Variants in POU6F2 observed in about 807,000 individuals in gnomAD.
The protein encoded by POU6F2 is POU class 6 homeobox 2.
A neutral mutation model predicts 71.3 loss-of-function variants in POU6F2; 31 were observed. That is an observed-to-expected ratio of 0.43 (90% CI 0.33 to 0.59). The LOEUF is 0.59. POU6F2 is among the 20% of genes least tolerant of loss of function. The probability of loss-of-function intolerance (pLI) is 0.04; values close to 1 mark genes in which losing one functional copy is unlikely to be tolerated. For missense variants in POU6F2, 783 were observed against 856.8 expected, an observed-to-expected ratio of 0.91 and a Z score of 1.07; for synonymous variants, 347 against 355.7, an observed-to-expected ratio of 0.98 and a Z score of 0.27.
Position 39,464,743 on chromosome 7 carries a change from G to A in POU6F2, c.*57G>A, listed in dbSNP as rs1789030383. On this transcript the variant is annotated 3_prime_UTR_variant, in exon 10 of 10. Transcript: ENST00000518318. The surrounding 1 kb of genome is among the most constrained non-coding windows in gnomAD (Gnocchi z 4.1). ...TCACAGAAACTAAACTCCACCCTTG[G>A]GACTCCACAACAACAACAACAACAA... 6.7e-7 allele frequency: 1 copy of A among 1,497,324 alleles called. No individual in the cohort carries two copies. The highest frequency in any genetic ancestry group is 1.3e-5 in the South Asian group (1 of 78,056). The allele number at this position is 1,497,324 out of a possible 1,614,324, so 92.8% of individuals were successfully genotyped here. A position where few individuals can be genotyped will look rare whatever the true frequency, so the allele number is the denominator to read the frequency against.
In POU6F2 at chr7:39,465,797, GA is replaced by G. The variant is rs1299086094; in HGVS notation, c.*1112del. On this transcript the variant is annotated 3_prime_UTR_variant, in exon 10 of 10. Transcript: ENST00000518318. Reference sequence around the variant, plus strand: ...CTGTTGGCCACGTACATGGAGAGCTGACCAAAACTAATTTTGTAATATAAAC... The same window carrying G: ...CTGTTGGCCACGTACATGGAGAGCTGCCAAAACTAATTTTGTAATATAAAC... 1 of 152,210 alleles carries G rather than the reference GA, an allele frequency of 6.6e-6. No homozygotes were observed. Among genetic ancestry groups the G allele is most frequent in the Non-Finnish European group, 1.5e-5 (1 of 68,046 alleles). The allele number at this position is 152,210 out of a possible 1,614,324, so 9.4% of individuals were successfully genotyped here.
At chr7:39,148,317 A>G (rs927141598) in intron 2 of POU6F2, among the ~76,000 whole-genome samples, 3 of 152,146 alleles carry the variant, frequency 2.0e-5, no homozygotes, top group Non-Finnish European at 4.4e-5. Context: ...CCTTCTGATC[A>G]TGTTCTGAAC....
chr7:39,044,154 T>G (rs972862508), intron 1 of POU6F2, among the ~76,000 whole-genome samples: 2 of 151,906 alleles, frequency 1.3e-5, no homozygotes, highest in African/African-American at 2.4e-5. Flanking sequence ...AACCTGGAAG[T>G]GAAGAAAGAA....
intron 2 of POU6F2, among the ~76,000 whole-genome samples, chr7:39,160,122 A>T (rs933300779): frequency 3.3e-5 from 5 of 152,194 alleles, no homozygotes; most frequent in African/African-American, 1.2e-4. Context: ...TCCCAAGTTG[A>T]GAGAGGGTTT....
chr7:38,978,235 G>A (rs1196340146), intron 1 of POU6F2, among the ~76,000 whole-genome samples, 177 bp downstream of exon 1: 1 of 152,174 alleles, frequency 6.6e-6, no homozygotes, highest in East Asian at 1.9e-4. Flanking sequence ...GGAAACCTCA[G>A]CTTAAAACTT....
chr7:39,370,173 A>G (rs999741237), intron 5 of POU6F2, among the ~76,000 whole-genome samples: 1 of 152,172 alleles, frequency 6.6e-6, no homozygotes, highest in African/African-American at 2.4e-5. Context: ...CAACCTGGTA[A>G]AGTAGACACT....
intron 2 of POU6F2, among the ~76,000 whole-genome samples, chr7:39,134,941 T>C (rs911819701): frequency 6.6e-6 from 1 of 151,850 alleles, no homozygotes; most frequent in Non-Finnish European, 1.5e-5. Context: ...AAAAGAAGAA[T>C]GAATAAAAAT....
At chr7:39,035,659 A>G (rs1790045633) in intron 1 of POU6F2, among the ~76,000 whole-genome samples, 1 of 152,048 alleles carries the variant, frequency 6.6e-6, no homozygotes, top group Admixed American at 6.6e-5. Context: ...AGCTGGAGAA[A>G]TTAAGGAATA....
chr7:38,993,984 CT>C (rs1788673740), intron 1 of POU6F2, among the ~76,000 whole-genome samples: 1 of 152,048 alleles, frequency 6.6e-6, no homozygotes, highest in Admixed American at 6.6e-5. Flanking sequence ...TTGAACAAAC[CT>C]TTTGTCCACC....
intron 4 of POU6F2, among the ~76,000 whole-genome samples, chr7:39,216,707 G>C (rs995250953): frequency 2.6e-5 from 4 of 152,074 alleles, no homozygotes; most frequent in Non-Finnish European, 4.4e-5. Context: ...GAATGCTCTA[G>C]GGCTTCACAA....
intron 2 of POU6F2, among the ~76,000 whole-genome samples, chr7:39,197,771 G>A (rs1000524434): frequency 2.6e-5 from 4 of 152,130 alleles, no homozygotes; most frequent in Admixed American, 2.0e-4. Flanking sequence ...ACTTCGTTCC[G>A]CTGATTCTGA....
intron 4 of POU6F2, among the ~76,000 whole-genome samples, chr7:39,213,852 G>A (rs2128747180): frequency 6.6e-6 from 1 of 152,254 alleles, no homozygotes; most frequent in Non-Finnish European, 1.5e-5. Context: ...AAGCACCTTT[G>A]GCCACTGTTC....
chr7:38,989,689 T>C (rs1407797109), intron 1 of POU6F2, among the ~76,000 whole-genome samples: 1 of 152,006 alleles, frequency 6.6e-6, no homozygotes, highest in Non-Finnish European at 1.5e-5. Flanking sequence ...TACCTATTAA[T>C]GCATATAGAG....
At chr7:39,274,844 T>C (rs1784407595) in intron 4 of POU6F2, among the ~76,000 whole-genome samples, 2 of 148,242 alleles carry the variant, frequency 1.3e-5, no homozygotes, top group Non-Finnish European at 3.0e-5. Context: ...TTGACAAAAT[T>C]CAACAACCCT....
At chr7:39,273,946 GA>G (rs772295419) in intron 4 of POU6F2, among the ~76,000 whole-genome samples, 4 of 151,900 alleles carry the variant, frequency 2.6e-5, no homozygotes, top group Non-Finnish European at 4.4e-5. Context: ...CAAAAATATT[GA>G]AAAAATATTT....
chr7:39,378,324 A>T (rs1786750455), intron 5 of POU6F2, among the ~76,000 whole-genome samples: 1 of 152,144 alleles, frequency 6.6e-6, no homozygotes. Flanking sequence ...ATAGCTCTTG[A>T]GGCTCCAGCA....
At chr7:39,327,846 G>A (rs1401893878) in intron 4 of POU6F2, among the ~76,000 whole-genome samples, 2 of 148,164 alleles carry the variant, frequency 1.3e-5, no homozygotes, top group African/African-American at 2.5e-5. Context: ...GTATGCATTA[G>A]TTTGTGTCAA....
intron 2 of POU6F2, among the ~76,000 whole-genome samples, chr7:39,121,632 A>G (rs1792044217): frequency 6.6e-6 from 1 of 152,178 alleles, no homozygotes; most frequent in African/African-American, 2.4e-5. Flanking sequence ...AAATTTGTAT[A>G]TCTACCTAGG....
At chr7:39,234,760 A>AT (rs1166141161) in intron 4 of POU6F2, among the ~76,000 whole-genome samples, 1 of 152,180 alleles carries the variant, frequency 6.6e-6, no homozygotes, top group Non-Finnish European at 1.5e-5. Flanking sequence ...ACTAATGTCA[A>AT]TTTTCTTGCC....
Sources: allele counts gnomAD v4.1 joint callset (sites outside exome capture counted in the v4.1 genomes callset), GRCh38; gene constraint gnomAD v4.1.1; non-coding constraint Gnocchi (gnomAD v3.1); transcripts MANE v1.5; gene names NCBI Gene and HGNC (gene_info 2026-07-23, HGNC 2026-07-21).